The following LYPD6B variants were observed in gnomAD, a reference collection of about 807,000 sequenced individuals.
The protein encoded by LYPD6B is ly6/PLAUR domain-containing protein 6B.
A neutral mutation model predicts 22.8 loss-of-function variants in LYPD6B; 17 were observed. That is an observed-to-expected ratio of 0.75 (90% CI 0.51 to 1.12). LYPD6B has a LOEUF of 1.12. LYPD6B is among the 50% of genes most tolerant of loss of function. LYPD6B has a pLI of 0.00. For missense variants in LYPD6B, 221 were observed against 258.3 expected, an observed-to-expected ratio of 0.86 and a Z score of 0.99; for synonymous variants, 106 against 91.6, an observed-to-expected ratio of 1.16 and a Z score of -0.90.
At chr2:149,149,225 G>A (rs1689216136) in intron 2 of LYPD6B, among the ~76,000 whole-genome samples, 1 of 152,148 alleles carries the variant, frequency 6.6e-6, no homozygotes, top group African/African-American at 2.4e-5. Context: ...CAACCTAATA[G>A]AAAGAACTTG....
chr2:149,201,183 C>T (rs762043776), intron 3 of LYPD6B, among the ~76,000 whole-genome samples: 6 of 152,238 alleles, frequency 3.9e-5, no homozygotes, highest in South Asian at 2.1e-4. Context: ...TCTCTACAAT[C>T]GATTATGTGG....
At chr2:149,202,785 T>A (rs1043696232) in intron 3 of LYPD6B, among the ~76,000 whole-genome samples, 1 of 152,212 alleles carries the variant, frequency 6.6e-6, no homozygotes, top group African/African-American at 2.4e-5. Flanking sequence ...AACTTCTTAC[T>A]TGTGATACCA....
intron 1 of LYPD6B, among the ~76,000 whole-genome samples, chr2:149,075,046 C>T (rs1317586226): frequency 6.6e-6 from 1 of 152,164 alleles, no homozygotes; most frequent in East Asian, 1.9e-4. Context: ...TTTTTAAGGA[C>T]TTCGTATTTC....
intron 3 of LYPD6B, among the ~76,000 whole-genome samples, chr2:149,189,342 T>TTATATATATATA (rs770703554): frequency 0.051 from 3,321 of 65,068 alleles, 166 homozygotes; most frequent in Non-Finnish European, 0.06. Context: ...TTGTCCAAAA[T>TTATATATATATA]TATATATATA....
rs116067540 is a variant in LYPD6B, at chr2:149,202,506, T to G, written c.78-2747T>G. Among the ~76,000 whole-genome samples, 1,415 of 152,344 alleles carry G rather than the reference T, an allele frequency of 9.3e-3. 17 individuals carry two copies. Among genetic ancestry groups the G allele is most frequent in the African/African-American group, 0.032 (1,327 of 41,564 alleles). The stretch of plus-strand genomic sequence containing the variant: ...ATGTCAACTACTCAGAGAGACATAC[T>G]GGGTCCTTGTCTGTGTAAAGTAGCA... On this transcript the variant is annotated intron_variant, in intron 3 of 6. Coordinates refer to ENST00000409642, the MANE Select transcript of LYPD6B (RefSeq NM_177964.5).
At chr2:149,105,434 A>C (rs1686425314) in intron 1 of LYPD6B, among the ~76,000 whole-genome samples, 2 of 152,226 alleles carry the variant, frequency 1.3e-5, no homozygotes, top group African/African-American at 4.8e-5. Context: ...GTGTCTTCCA[A>C]TCCATGAACA....
chr2:149,048,435 C>T (rs980211104), intron 1 of LYPD6B, among the ~76,000 whole-genome samples: 1 of 152,280 alleles, frequency 6.6e-6, no homozygotes, highest in African/African-American at 2.4e-5. Context: ...TTGCCATTCC[C>T]ATCTTTTGGT....
At chr2:149,063,940 T>G (rs1684210294) in intron 1 of LYPD6B, among the ~76,000 whole-genome samples, 1 of 152,220 alleles carries the variant, frequency 6.6e-6, no homozygotes, top group Non-Finnish European at 1.5e-5. Flanking sequence ...CATAAATGAT[T>G]AACAATATGT....
At chr2:149,084,237 C>T (rs1315979146) in intron 1 of LYPD6B, among the ~76,000 whole-genome samples, 1 of 152,126 alleles carries the variant, frequency 6.6e-6, no homozygotes, top group Non-Finnish European at 1.5e-5. Context: ...AGTCAATTAG[C>T]CTGTATTAGC....
At chr2:149,214,424 T>C in intron 6 of LYPD6B, 122 bp from the exon 7 acceptor site, 2 of 1,007,606 alleles carry the variant, frequency 2.0e-6, no homozygotes, top group Non-Finnish European at 2.9e-6. Flanking sequence ...CAAAATTGGA[T>C]AACCAACTCC....
intron 1 of LYPD6B, among the ~76,000 whole-genome samples, chr2:149,103,911 G>A (rs1319911469): frequency 1.3e-5 from 2 of 150,726 alleles, no homozygotes; most frequent in African/African-American, 4.9e-5. Context: ...TAAGTAGCTG[G>A]TATTACAGGC....
intron 2 of LYPD6B, among the ~76,000 whole-genome samples, chr2:149,132,890 A>G (rs1575032120): frequency 6.6e-6 from 1 of 152,322 alleles, no homozygotes; most frequent in Middle Eastern, 3.4e-3. Context: ...TTATTTACTT[A>G]TTTAAAAATT....
intron 3 of LYPD6B, among the ~76,000 whole-genome samples, chr2:149,190,608 A>C (rs1692427073): frequency 6.6e-6 from 1 of 152,206 alleles, no homozygotes. Flanking sequence ...CAAAATTTAG[A>C]AGTTATAAAG....
At chr2:149,180,897 C>T (rs1427520495) in intron 3 of LYPD6B, among the ~76,000 whole-genome samples, 1 of 152,170 alleles carries the variant, frequency 6.6e-6, no homozygotes, top group Non-Finnish European at 1.5e-5. Flanking sequence ...TCTCAGTGGG[C>T]CTCACCTGCT....
At chr2:149,194,420 A>G (rs1692676869) in intron 3 of LYPD6B, among the ~76,000 whole-genome samples, 1 of 152,196 alleles carries the variant, frequency 6.6e-6, no homozygotes, top group Non-Finnish European at 1.5e-5. Context: ...ACAACCTGGC[A>G]TTATTTAAGA....
chr2:149,075,066 G>C (rs1404678053), intron 1 of LYPD6B, among the ~76,000 whole-genome samples: 1 of 152,116 alleles, frequency 6.6e-6, no homozygotes, highest in Non-Finnish European at 1.5e-5. Context: ...CATAAAACAT[G>C]GTGAGCCAAT....
chr2:149,200,578 G>T (rs1476985471), intron 3 of LYPD6B: 1 of 152,118 alleles, frequency 6.6e-6, no homozygotes, highest in Non-Finnish European at 1.5e-5. Context: ...TGTCAAAGAT[G>T]TGCTGCTTCC....
At chr2:149,172,465 G>A (rs1207957425) in intron 3 of LYPD6B, among the ~76,000 whole-genome samples, 1 of 152,164 alleles carries the variant, frequency 6.6e-6, no homozygotes, top group Non-Finnish European at 1.5e-5. Context: ...TAAGGGCAAA[G>A]CTCTTCTTGG....
chr2:149,162,960 T>G (rs1427432715), intron 3 of LYPD6B, among the ~76,000 whole-genome samples: 5 of 152,074 alleles, frequency 3.3e-5, no homozygotes, highest in African/African-American at 9.7e-5. Context: ...ATAGCTAATT[T>G]CTGTTTTCTG....
Sources: allele counts gnomAD v4.1 joint callset (sites outside exome capture counted in the v4.1 genomes callset), GRCh38; gene constraint gnomAD v4.1.1; transcripts MANE v1.5; gene names NCBI Gene and HGNC (gene_info 2026-07-23, HGNC 2026-07-21).